THEMIS: variants seen among roughly 807,000 people sequenced by gnomAD.
The protein encoded by THEMIS is protein THEMIS.
THEMIS carries 37 observed loss-of-function variants against 52.6 expected under a neutral mutation model. That is an observed-to-expected ratio of 0.70 (90% CI 0.54 to 0.93). The LOEUF (loss-of-function observed/expected upper bound fraction) is 0.93, where lower values mean the gene tolerates loss of function less well. Among genes scored for constraint, THEMIS ranks in the 40% least tolerant of loss-of-function variants. The pLI is 0.00. For missense variants in THEMIS, 808 were observed against 763.1 expected, an observed-to-expected ratio of 1.06 and a Z score of -0.69; for synonymous variants, 292 against 272.7, an observed-to-expected ratio of 1.07 and a Z score of -0.70.
chr6:127,893,317 G>A (rs1179906336), intron 1 of THEMIS, among the ~76,000 whole-genome samples: 1 of 151,972 alleles, frequency 6.6e-6, no homozygotes, highest in African/African-American at 2.4e-5. Context: ...CCAGCATTAA[G>A]GTAATAATAA....
intron 4 of THEMIS, among the ~76,000 whole-genome samples, chr6:127,727,497 G>A (rs1431792439): frequency 6.6e-6 from 1 of 152,086 alleles, no homozygotes; most frequent in East Asian, 1.9e-4. Flanking sequence ...TTTATAATAG[G>A]TCTGTCTGTA....
At chr6:127,762,173 AC>A (rs1776043677) in intron 4 of THEMIS, among the ~76,000 whole-genome samples, 2 of 152,142 alleles carry the variant, frequency 1.3e-5, no homozygotes, top group East Asian at 1.9e-4. Context: ...TAAATATATC[AC>A]GATTCTATTA....
At chr6:127,891,488 A>G (rs557712070) in intron 1 of THEMIS, among the ~76,000 whole-genome samples, 30 of 146,422 alleles carry the variant, frequency 2.0e-4, no homozygotes, top group African/African-American at 7.5e-4. Flanking sequence ...GTGAGCTGAG[A>G]TTGCGCCACT....
chr6:127,868,749 T>G (rs905126495), intron 1 of THEMIS, among the ~76,000 whole-genome samples: 2 of 152,188 alleles, frequency 1.3e-5, no homozygotes, highest in Non-Finnish European at 2.9e-5. Context: ...TTGTTTTTCA[T>G]ATAGTGGTTG....
intron 4 of THEMIS, among the ~76,000 whole-genome samples, chr6:127,729,396 CT>C (rs1173339302): frequency 6.6e-6 from 1 of 152,056 alleles, no homozygotes; most frequent in Admixed American, 6.6e-5. Flanking sequence ...GCCTTTTTCT[CT>C]TTTATCAAAG....
chr6:127,739,260 G>C (rs1775113392), intron 4 of THEMIS, among the ~76,000 whole-genome samples: 1 of 152,114 alleles, frequency 6.6e-6, no homozygotes, highest in African/African-American at 2.4e-5. Flanking sequence ...TGAATAAGAA[G>C]CCCAAGATAA....
intron 1 of THEMIS, among the ~76,000 whole-genome samples, chr6:127,857,610 A>G (rs774013201): frequency 6.6e-6 from 1 of 152,028 alleles, no homozygotes; most frequent in Non-Finnish European, 1.5e-5. Context: ...TCATGGTCCA[A>G]AAACACATTT....
chr6:127,719,673 T>C lies in THEMIS; in HGVS notation c.1894+15A>G. ...AAACCACCGTGGTTTAACTGACCTA[T>C]AGTCACATCAGTACCTGCTATTGCT... On this transcript the variant is annotated intron_variant, in intron 5 of 5. Coordinates refer to ENST00000368248, the MANE Select transcript of THEMIS (RefSeq NM_001010923.3). The C allele has an allele frequency of 2.5e-6, 4 of 1,600,678 alleles. No homozygotes were observed. In the South Asian group the frequency reaches 4.5e-5, roughly 18 times the overall value.
chr6:127,790,460 G>T lies in THEMIS; in HGVS notation c.1758+22423C>A, dbSNP rs1331164384. ...ATAATGACATTTACATATGAAACAA[G>T]AAAATTAAATTATCTTTTATGTGAG... On this transcript the variant is annotated intron_variant, in intron 4 of 5. Transcript: ENST00000368248. Among the ~76,000 whole-genome samples the T allele has an allele frequency of 3.3e-5, 5 of 152,198 alleles. No homozygotes were observed. In the East Asian group the frequency reaches 7.7e-4, roughly 24 times the overall value.
chr6:127,884,672 T>G (rs1780591223), intron 1 of THEMIS, among the ~76,000 whole-genome samples: 1 of 152,182 alleles, frequency 6.6e-6, no homozygotes, highest in African/African-American at 2.4e-5. Context: ...GGATGTCTAA[T>G]ATACTCATCT....
At chr6:127,858,716 T>G (rs1779699334) in intron 1 of THEMIS, among the ~76,000 whole-genome samples, 1 of 152,118 alleles carries the variant, frequency 6.6e-6, no homozygotes, top group African/African-American at 2.4e-5. Flanking sequence ...AAAATGGCTT[T>G]CATTTCATTT....
intron 4 of THEMIS, among the ~76,000 whole-genome samples, chr6:127,805,070 G>A (rs1212378273): frequency 6.6e-6 from 1 of 151,880 alleles, no homozygotes; most frequent in African/African-American, 2.4e-5. Context: ...ATTTCTTGTG[G>A]CCTTTAATGT....
intron 2 of THEMIS, among the ~76,000 whole-genome samples, chr6:127,832,324 G>A (rs1778722501): frequency 6.6e-6 from 1 of 152,148 alleles, no homozygotes; most frequent in Non-Finnish European, 1.5e-5. Context: ...TTCCTTAAAA[G>A]ATGATGAAGT....
intron 4 of THEMIS, among the ~76,000 whole-genome samples, chr6:127,732,524 C>A (rs888185870): frequency 6.6e-6 from 1 of 152,194 alleles, no homozygotes; most frequent in Admixed American, 6.5e-5. Flanking sequence ...GTAATCCCAG[C>A]AGCTCCTTCA....
intron 4 of THEMIS, among the ~76,000 whole-genome samples, chr6:127,801,531 C>T (rs867829269): frequency 6.6e-6 from 1 of 151,986 alleles, no homozygotes; most frequent in Non-Finnish European, 1.5e-5. Flanking sequence ...GTGGGAGGAC[C>T]CTGAAGAAGC....
chr6:127,845,755 G>T (rs1434139783), intron 2 of THEMIS, among the ~76,000 whole-genome samples: 1 of 151,740 alleles, frequency 6.6e-6, no homozygotes, highest in Non-Finnish European at 1.5e-5. Context: ...GTGGCTACCT[G>T]CAGTGATGGG....
intron 3 of THEMIS, among the ~76,000 whole-genome samples, chr6:127,818,319 C>T (rs969283776): frequency 2.0e-5 from 3 of 152,066 alleles, no homozygotes; most frequent in South Asian, 4.1e-4. Context: ...CCATAACATA[C>T]GACCACATCA....
chr6:127,799,527 TTC>T (rs199626014), intron 4 of THEMIS, among the ~76,000 whole-genome samples: 2 of 132,236 alleles, frequency 1.5e-5, no homozygotes, highest in Admixed American at 7.3e-5. Flanking sequence ...CTTTCTTTCT[TTC>T]TCTTTCTTTC....
chr6:127,771,463 C>T (rs918813699), intron 4 of THEMIS, among the ~76,000 whole-genome samples: 1 of 152,034 alleles, frequency 6.6e-6, no homozygotes, highest in Non-Finnish European at 1.5e-5. Context: ...CAAGACAATC[C>T]TAAGCAAAAA....
Sources: gnomAD v4.1 joint callset for allele counts (sites outside exome capture counted in the v4.1 genomes callset) on GRCh38, gnomAD v4.1.1 for gene constraint, MANE v1.5 for transcripts, NCBI Gene and HGNC (gene_info 2026-07-23, HGNC 2026-07-21) for gene names.